The following CTR9 variants were observed in gnomAD, a reference collection of about 807,000 sequenced individuals.
CTR9 encodes the protein CTR9 component of Paf1/RNA polymerase II complex, also known as RNA polymerase-associated protein CTR9 homolog.
CTR9 carries 41 observed loss-of-function variants against 152.1 expected under a neutral mutation model. The ratio of observed to expected loss-of-function variants is 0.27; its 90% CI spans 0.21 to 0.35. The LOEUF (loss-of-function observed/expected upper bound fraction) is 0.35. Ranked by LOEUF, CTR9 falls within the 10% of genes least tolerant of loss-of-function variation. The probability of loss-of-function intolerance (pLI) is 1.00; values close to 1 mark genes in which losing one functional copy is unlikely to be tolerated. For missense variants in CTR9, 917 were observed against 1,424.4 expected, an observed-to-expected ratio of 0.64 and a Z score of 5.73; for synonymous variants, 476 against 496.2, an observed-to-expected ratio of 0.96 and a Z score of 0.54.
At chr11:10,751,974 G>T (rs1349151567) in intron 1 of CTR9, among the ~76,000 whole-genome samples, 2 of 152,166 alleles carry the variant, frequency 1.3e-5, no homozygotes, top group African/African-American at 4.8e-5. Flanking sequence ...AGCCGCCCCT[G>T]TGTGCTGATA....
intron 4 of CTR9, among the ~76,000 whole-genome samples, chr11:10,756,444 C>G (rs1862885952): frequency 6.6e-6 from 1 of 152,076 alleles, no homozygotes; most frequent in Non-Finnish European, 1.5e-5. Context: ...TGTGATGTTC[C>G]CCTCTGTGTC....
intron 7 of CTR9, 66 bp downstream of exon 7, chr11:10,762,120 T>G (rs969506809): frequency 1.0e-6 from 1 of 984,414 alleles, no homozygotes; most frequent in East Asian, 2.6e-5. Context: ...ATTTTATTTC[T>G]TTTTTAAACT....
At chr11:10,769,710 A>C (rs1056234947) in intron 16 of CTR9, among the ~76,000 whole-genome samples, 1 of 152,208 alleles carries the variant, frequency 6.6e-6, no homozygotes, top group Non-Finnish European at 1.5e-5. Context: ...CATGGTCAAA[A>C]AGTGCTATGT....
chr11:10,770,137 G>A, intron 16 of CTR9, 73 bp from the exon 17 acceptor site: 1 of 1,071,668 alleles, frequency 9.3e-7, no homozygotes, highest in Non-Finnish European at 1.4e-6. Context: ...AAATTGCAAT[G>A]CCATTTTGCT....
Position 10,755,528 on chromosome 11 carries a change from A to G in CTR9, c.385-150A>G, listed in dbSNP as rs1057131061. ...TTTCAGGATAATTTCTTATTTTGTA[A>G]TTAAGAATTGCTTGTTAGTAGCTTA... On this transcript the variant is annotated intron_variant, in intron 3 of 24. Transcript: ENST00000361367. 5 of 580,286 alleles carry G rather than the reference A, an allele frequency of 8.6e-6. No individual in the cohort carries two copies. The African/African-American group carries it at 9.6e-5, about 11-fold the overall frequency. 35.9% of individuals were successfully genotyped at this position (580,286 alleles called of 1,614,324 possible). A position where few individuals can be genotyped will look rare whatever the true frequency, so the allele number is the denominator to read the frequency against.
At position 10,764,417 on chromosome 11, in the gene CTR9, G is replaced by C. The variant is rs768523907; in HGVS notation, c.1394G>C (p.Gly465Ala). The change falls in exon 11 of 25, where the codon GGA becomes GCA. Residue 465 changes from glycine to alanine, a missense_variant. Coordinates refer to ENST00000361367, the MANE Select transcript of CTR9 (RefSeq NM_014633.5). ...GTGGGTGCCCTCCATTTTAGACTTG[G>C]AAACCTAGGGGAGGCTAAGGTAGGA... Reference protein sequence around the residue: ...NNVGALHFRLGNLGEAKKYFL... With the variant: ...NNVGALHFRLANLGEAKKYFL... 1.2e-6 allele frequency: 2 copies of C among 1,613,800 alleles called. No individual in the cohort carries two copies. The highest frequency in any genetic ancestry group is 1.7e-6 in the Non-Finnish European group (2 of 1,179,952).
chr11:10,778,184 CTT>C (rs1564974108), intron 24 of CTR9, among the ~76,000 whole-genome samples: 6 of 152,206 alleles, frequency 3.9e-5, no homozygotes, highest in Non-Finnish European at 8.8e-5. Flanking sequence ...TGACCTCACT[CTT>C]CAGGTACCTG....
chr11:10,761,422 C>T (rs544983274), intron 6 of CTR9, among the ~76,000 whole-genome samples: 3 of 151,802 alleles, frequency 2.0e-5, no homozygotes, highest in East Asian at 1.9e-4. Flanking sequence ...ATCAGTCACA[C>T]GAAGAAAACA....
intron 1 of CTR9, 35 bp from the exon 2 acceptor site, chr11:10,752,636 TG>T: frequency 7.0e-7 from 1 of 1,419,744 alleles, no homozygotes; most frequent in Non-Finnish European, 9.9e-7. Flanking sequence ...AATTTTAAAG[TG>T]GAATAAGAGT....
At chr11:10,771,675 G>A (rs930624631) in intron 19 of CTR9, 59 bp downstream of exon 19, 3 of 1,242,370 alleles carry the variant, frequency 2.4e-6, no homozygotes, top group South Asian at 2.4e-5. Flanking sequence ...TACATGGGCT[G>A]GGAAAGTGCC....
intron 7 of CTR9, 104 bp from the exon 8 acceptor site, chr11:10,763,327 A>G (rs1158856812): frequency 1.3e-6 from 1 of 760,116 alleles, no homozygotes; most frequent in African/African-American, 1.8e-5. Context: ...TATGAAGAAG[A>G]TGGAAATGTA....
intron 7 of CTR9, among the ~76,000 whole-genome samples, chr11:10,762,855 A>C (rs1364987962): frequency 6.6e-6 from 1 of 151,954 alleles, no homozygotes; most frequent in African/African-American, 2.4e-5. Flanking sequence ...ATTTTTAAAA[A>C]TTAGCTGGAC....
chr11:10,757,756 T>C (rs1862909055), intron 5 of CTR9, among the ~76,000 whole-genome samples: 1 of 152,178 alleles, frequency 6.6e-6, no homozygotes, highest in Non-Finnish European at 1.5e-5. Context: ...CCTGCCCTCA[T>C]GGAGTCCAGT....
chr11:10,774,569 C>G (rs1336340664), intron 22 of CTR9, among the ~76,000 whole-genome samples: 1 of 152,192 alleles, frequency 6.6e-6, no homozygotes, highest in Non-Finnish European at 1.5e-5. Flanking sequence ...GGTTTTTGCT[C>G]AATGCATAAG....
intron 24 of CTR9, among the ~76,000 whole-genome samples, chr11:10,777,182 G>C (rs1863253149): frequency 2.0e-5 from 3 of 152,020 alleles, no homozygotes; most frequent in Admixed American, 6.5e-5. Context: ...ATGTTGAGGA[G>C]GCTAAGGCTT....
At chr11:10,771,095 A>G (rs1863136368) in intron 18 of CTR9, among the ~76,000 whole-genome samples, 1 of 152,176 alleles carries the variant, frequency 6.6e-6, no homozygotes, top group African/African-American at 2.4e-5. Flanking sequence ...AGTTTTATTC[A>G]GTTCAGCTCA....
intron 5 of CTR9, among the ~76,000 whole-genome samples, chr11:10,757,415 C>T (rs1285233895): frequency 4.6e-5 from 7 of 152,040 alleles, no homozygotes; most frequent in Non-Finnish European, 1.0e-4. Flanking sequence ...CAAAGGGAGA[C>T]CCCCATCTCT....
chr11:10,755,907 C>T, intron 4 of CTR9, 112 bp downstream of exon 4: 1 of 588,538 alleles, frequency 1.7e-6, no homozygotes, highest in Non-Finnish European at 3.1e-6. Flanking sequence ...AGTAGAAGAG[C>T]TTTATGTTGT....
Position 10,770,627 on chromosome 11 carries a change from A to G in CTR9, c.2367A>G (p.Ala789=), listed in dbSNP as rs760039080. The G allele has an allele frequency of 1.9e-6, 3 of 1,608,674 alleles. No homozygotes were observed. In the African/African-American group the frequency reaches 4.0e-5, roughly 22 times the overall value. Residue 789 remains alanine (A), a synonymous_variant, in exon 18 of 25, where the codon GCA becomes GCG. Transcript: ENST00000361367. ...VLNAVKELEL[A]HRYFSYLSKV... ...ATGCTGTGAAAGAACTGGAGCTTGC[A>G]CATAGGTAAAGATTTTGTAGAAACA...
Sources: allele counts gnomAD v4.1 joint callset (sites outside exome capture counted in the v4.1 genomes callset), GRCh38; gene constraint gnomAD v4.1.1; transcripts MANE v1.5; gene names NCBI Gene and HGNC (gene_info 2026-07-23, HGNC 2026-07-21).